The following BCAS3 variants were observed in gnomAD, a reference collection of about 807,000 sequenced individuals.
BCAS3 encodes the protein BCAS4/BCAS3 fusion.
A neutral mutation model predicts 116.1 loss-of-function variants in BCAS3; 53 were observed. The ratio of observed to expected loss-of-function variants is 0.46; its 90% CI spans 0.37 to 0.57. The LOEUF (loss-of-function observed/expected upper bound fraction) is 0.57. Ranked by LOEUF, BCAS3 falls within the 20% of genes least tolerant of loss-of-function variation. BCAS3 has a pLI of 0.00. For missense variants in BCAS3, 917 were observed against 1,165.4 expected, an observed-to-expected ratio of 0.79 and a Z score of 3.10; for synonymous variants, 391 against 408.2, an observed-to-expected ratio of 0.96 and a Z score of 0.51.
At chr17:60,766,063 G>A (rs2044063172) in intron 6 of BCAS3, among the ~76,000 whole-genome samples, 1 of 152,082 alleles carries the variant, frequency 6.6e-6, no homozygotes, top group African/African-American at 2.4e-5. Context: ...TCTTTACACT[G>A]TTTATTCTAG....
In BCAS3 at chr17:61,056,761, G is replaced by A. The variant is rs150132040; in HGVS notation, c.2029+15869G>A. Among the ~76,000 whole-genome samples, 1,457 of 152,292 alleles carry A rather than the reference G, an allele frequency of 9.6e-3. 28 individuals are homozygous for A. The highest frequency in any genetic ancestry group is 0.034 in the African/African-American group (1,394 of 41,548). The stretch of plus-strand genomic sequence containing the variant: ...CAAAATGGTTTTCCTATTAAGTGAT[G>A]TACTACTGCATGCTCTCAGATATTG... On this transcript the variant is annotated intron_variant, in intron 19 of 23. Transcript: ENST00000407086. The surrounding 1 kb of genome is among the most constrained non-coding windows in gnomAD (Gnocchi z 4.9).
intron 19 of BCAS3, 103 bp downstream of exon 19, chr17:61,040,995 G>A: frequency 1.1e-6 from 1 of 906,070 alleles, no homozygotes; most frequent in Non-Finnish European, 1.7e-6. Flanking sequence ...CATAGGCCAT[G>A]GGCCTTAAAG....
intron 22 of BCAS3, among the ~76,000 whole-genome samples, chr17:61,336,472 T>C (rs1352195647): frequency 6.6e-6 from 1 of 152,228 alleles, no homozygotes; most frequent in Non-Finnish European, 1.5e-5. Flanking sequence ...TTTCTTCCTG[T>C]TCTCTGTGGG....
chr17:60,824,202 C>T (rs1279753794), intron 7 of BCAS3, among the ~76,000 whole-genome samples: 1 of 152,056 alleles, frequency 6.6e-6, no homozygotes, highest in Non-Finnish European at 1.5e-5. Flanking sequence ...GCAGAGTTTT[C>T]AGGAAGAAAT....
chr17:60,925,991 G>T (rs1003914587), intron 13 of BCAS3, among the ~76,000 whole-genome samples: 1 of 152,110 alleles, frequency 6.6e-6, no homozygotes, highest in Non-Finnish European at 1.5e-5. Flanking sequence ...TATTTTAAGT[G>T]ATTTTGTGCA....
chr17:60,926,071 T>G (rs572954664), intron 13 of BCAS3, among the ~76,000 whole-genome samples: 41 of 152,312 alleles, frequency 2.7e-4, no homozygotes, highest in African/African-American at 9.6e-4. Flanking sequence ...TCTCCAGTTG[T>G]GGCATCATGT....
At chr17:61,003,229 A>G (rs931580064) in intron 15 of BCAS3, among the ~76,000 whole-genome samples, 1 of 150,218 alleles carries the variant, frequency 6.7e-6, no homozygotes, top group African/African-American at 2.5e-5. Context: ...TTCTTGTTGC[A>G]TTTTTATTTC....
chr17:61,128,212 T>C lies in BCAS3; in HGVS notation c.2425+43648T>C, dbSNP rs1163094648. ...CACCAGGAATAGTGTGAGTCAAGGA[T>C]GAGTACATGAAGATGAAGCCCATGC... On this transcript the variant is annotated intron_variant, in intron 22 of 23. Coordinates refer to ENST00000407086, the MANE Select transcript of BCAS3 (RefSeq NM_017679.5). The surrounding 1 kb of genome is among the most constrained non-coding windows in gnomAD (Gnocchi z 4.1). The C allele has an allele frequency of 2.0e-6, 2 of 985,326 alleles. No homozygotes were observed. The highest frequency in any genetic ancestry group is 2.3e-4 in the East Asian group (2 of 8,828). The allele number at this position is 985,326 out of a possible 1,614,324, so 61.0% of individuals were successfully genotyped here.
intron 22 of BCAS3, among the ~76,000 whole-genome samples, chr17:61,121,362 A>G (rs2075781069): frequency 6.6e-6 from 1 of 152,180 alleles, no homozygotes; most frequent in African/African-American, 2.4e-5. Flanking sequence ...ATTATTTGAT[A>G]TATAGATAGT....
rs2080653671 is a variant in BCAS3 at position 61,198,895 on chromosome 17, G to T, written c.2425+114331G>T. On this transcript the variant is annotated intron_variant, in intron 22 of 23. Transcript: ENST00000407086. The surrounding 1 kb of genome is among the most constrained non-coding windows in gnomAD (Gnocchi z 5.0). ...AGTTTGAAAGGTACATGTTTCTAAA[G>T]CTTTTAAGATAATGATACTTAGAAA... is the stretch of plus-strand genomic sequence containing the variant. Among the ~76,000 whole-genome samples the T allele has an allele frequency of 6.6e-6, 1 of 152,174 alleles. No individual in the cohort carries two copies. The highest frequency in any genetic ancestry group is 1.5e-5 in the Non-Finnish European group (1 of 68,028).
intron 22 of BCAS3, among the ~76,000 whole-genome samples, chr17:61,202,690 AT>A (rs1469175652): frequency 6.6e-6 from 1 of 152,184 alleles, no homozygotes; most frequent in Non-Finnish European, 1.5e-5. Flanking sequence ...TGAGAATTAA[AT>A]GGCATCACCA....
intron 22 of BCAS3, among the ~76,000 whole-genome samples, chr17:61,165,070 C>T (rs999960186): frequency 6.6e-6 from 1 of 152,234 alleles, no homozygotes; most frequent in Non-Finnish European, 1.5e-5. Context: ...ACAGGCCTGC[C>T]TGGGAGAAGG....
rs576660228 is a variant in BCAS3, at chr17:61,251,672, G to A, written c.2426-116655G>A. Among the ~76,000 whole-genome samples, 2 of 152,278 alleles carry A rather than the reference G, an allele frequency of 1.3e-5. No individual in the cohort carries two copies. Among genetic ancestry groups the A allele is most frequent in the Admixed American group, 6.5e-5 (1 of 15,298 alleles). ...CTGATATGTTGGTCTCTTGGGACAA[G>A]GCTGTACAGTTGAGAAAAGTAGCAA... On this transcript the variant is annotated intron_variant, in intron 22 of 23. Transcript: ENST00000407086. This position sits in a 1 kb window ranked among gnomAD's most constrained non-coding sequence, Gnocchi z 4.7.
intron 6 of BCAS3, among the ~76,000 whole-genome samples, chr17:60,802,167 C>G (rs994389001): frequency 6.9e-4 from 104 of 151,422 alleles, no homozygotes; most frequent in African/African-American, 1.9e-3. Context: ...GCCTGTAGTC[C>G]CAGCTACTTG....
chr17:60,735,134 T>G (rs1425965924), intron 5 of BCAS3, among the ~76,000 whole-genome samples: 1 of 152,202 alleles, frequency 6.6e-6, no homozygotes, highest in African/African-American at 2.4e-5. Context: ...TGTTTAATGC[T>G]TGTATATAAG....
rs1186671181 is a variant in BCAS3 at position 60,868,688 on chromosome 17, G to T, written c.584+5G>T. 1.3e-6 allele frequency: 2 copies of T among 1,547,510 alleles called. No homozygotes were observed. The highest frequency in any genetic ancestry group is 2.8e-5 in the African/African-American group (2 of 71,098). On this transcript the variant is annotated splice_donor_5th_base_variant and intron_variant, in intron 8 of 23. Transcript: ENST00000407086. ...TGATCTCCATTGCAATAAACGGTAA[G>T]GATTTTTTCATGGGTTTCTTGTGTA...
chr17:60,699,042 A>C (rs2036026465), intron 4 of BCAS3, among the ~76,000 whole-genome samples: 1 of 152,206 alleles, frequency 6.6e-6, no homozygotes. Flanking sequence ...TTAGTGACAG[A>C]GCGAGACTCC....
At chr17:60,974,846 T>C (rs967511790) in intron 14 of BCAS3, among the ~76,000 whole-genome samples, 1 of 152,204 alleles carries the variant, frequency 6.6e-6, no homozygotes, top group Non-Finnish European at 1.5e-5. Flanking sequence ...TAATGAGGAT[T>C]CCCAGATTAA....
chr17:61,116,752 T>A (rs2075485181), intron 22 of BCAS3, among the ~76,000 whole-genome samples: 1 of 152,218 alleles, frequency 6.6e-6, no homozygotes, highest in South Asian at 2.1e-4. Context: ...ATATTATGGC[T>A]GGGTATAGGA....
Sources: allele counts gnomAD v4.1 joint callset (sites outside exome capture counted in the v4.1 genomes callset), GRCh38; gene constraint gnomAD v4.1.1; non-coding constraint Gnocchi (gnomAD v3.1); transcripts MANE v1.5; gene names NCBI Gene and HGNC (gene_info 2026-07-23, HGNC 2026-07-21).